The following TPTE2 variants were observed in gnomAD, a reference collection of about 807,000 sequenced individuals.
TPTE2 encodes phosphatidylinositol 3,4,5-trisphosphate 3-phosphatase TPTE2.
In TPTE2, 53 loss-of-function variants were observed where a neutral mutation model predicts 78.6. The observed-to-expected ratio is 0.67, with a 90% confidence interval of 0.54 to 0.85. The LOEUF (loss-of-function observed/expected upper bound fraction) is 0.85, where lower values mean the gene tolerates loss of function less well. Ranked by LOEUF, TPTE2 falls within the 40% of genes least tolerant of loss-of-function variation. The pLI is 0.00. For synonymous variants in TPTE2, 175 were observed against 206.2 expected (o/e 0.85, Z 1.30); for missense variants, 461 against 623.0 (o/e 0.74, Z 2.77).
At chr13:19,497,215 G>A (rs1881390209) in intron 1 of TPTE2, among the ~76,000 whole-genome samples, 1 of 149,220 alleles carries the variant, frequency 6.7e-6, no homozygotes, top group African/African-American at 2.4e-5. Context: ...CGGCAGCGAG[G>A]CTGGGGGAGG....
chr13:19,498,044 G>A (rs1425786344), intron 1 of TPTE2, among the ~76,000 whole-genome samples: 1 of 150,956 alleles, frequency 6.6e-6, no homozygotes, highest in Non-Finnish European at 1.5e-5. Context: ...GGAAGAAAGG[G>A]TATCAGCAAT....
At chr13:19,493,464 C>T (rs1881129498) in exon 2 of TPTE2, 1 of 1,613,632 alleles carries the variant, frequency 6.2e-7, no homozygotes, top group Admixed American at 1.7e-5. Flanking sequence ...TTCGCAGGTG[C>T]CTCCTCGGTT....
chr13:19,474,193 A>T (rs1879806137), intron 5 of TPTE2, 118 bp from the exon 9 acceptor site: 8 of 1,029,102 alleles, frequency 7.8e-6, no homozygotes, highest in Non-Finnish European at 1.0e-5. Context: ...CCAAAATGTT[A>T]TTATTTAGTA....
chr13:19,485,510 A>G (rs530838349), intron 3 of TPTE2, among the ~76,000 whole-genome samples: 1 of 152,228 alleles, frequency 6.6e-6, no homozygotes, highest in East Asian at 1.9e-4. Context: ...CAATTTGACT[A>G]TAATGTCTGG....
At chr13:19,546,763 T>TTAA in the TPTE2 span, among the ~76,000 whole-genome samples, 1 of 152,020 alleles carries the variant, frequency 6.6e-6, no homozygotes, top group African/African-American at 2.4e-5. Flanking sequence ...GTGCTGGGAC[T>TTAA]ACAGGCATGA....
the TPTE2 span, among the ~76,000 whole-genome samples, chr13:19,555,803 CTTTTTTTTTTTTTT>C: frequency 6.2e-5 from 5 of 81,056 alleles, no homozygotes; most frequent in East Asian, 7.6e-4. Flanking sequence ...CAACAAATTT[CTTTTTTTTTTTTTT>C]TTTTTTTTTT....
Position 19,436,083 on chromosome 13 carries a change from G to A in TPTE2, c.1116+143C>T, listed in dbSNP as rs1877061467. On this transcript the variant is annotated intron_variant, in intron 15 of 19. Transcript: ENST00000400230. Reference sequence around the variant, plus strand: ...CCTGAAGTGTGACCCTCAGACTCAGGGAGGGACCAAGGCCTGTTGCAGGGC... The same window carrying A: ...CCTGAAGTGTGACCCTCAGACTCAGAGAGGGACCAAGGCCTGTTGCAGGGC... 17 of 638,450 alleles carry A rather than the reference G, an allele frequency of 2.7e-5. No individual in the cohort carries two copies. The South Asian group carries it at 3.3e-4, about 12-fold the overall frequency. 39.5% of individuals were successfully genotyped at this position (638,450 alleles called of 1,614,324 possible). A position where few individuals can be genotyped will look rare whatever the true frequency, so the allele number is the denominator to read the frequency against.
At chr13:19,470,492 G>T (rs952608115) in intron 6 of TPTE2, among the ~76,000 whole-genome samples, 45 of 151,764 alleles carry the variant, frequency 3.0e-4, no homozygotes, top group African/African-American at 1.0e-3. Flanking sequence ...TTTTGGTTTT[G>T]GTTTTGGTTT....
chr13:19,453,817 T>C (rs1313030453), intron 10 of TPTE2, among the ~76,000 whole-genome samples: 1 of 152,146 alleles, frequency 6.6e-6, no homozygotes, highest in African/African-American at 2.4e-5. Flanking sequence ...ATTGTAGGAA[T>C]GTAGGTAATT....
At chr13:19,471,722 T>C (rs1273306149) in intron 6 of TPTE2, among the ~76,000 whole-genome samples, 1 of 152,234 alleles carries the variant, frequency 6.6e-6, no homozygotes, top group Non-Finnish European at 1.5e-5. Flanking sequence ...ATAGTTACAA[T>C]GTTATAACAT....
chr13:19,443,160 A>T (rs1593356993), intron 13 of TPTE2, among the ~76,000 whole-genome samples: 1 of 151,972 alleles, frequency 6.6e-6, no homozygotes, highest in African/African-American at 2.4e-5. Flanking sequence ...ATAATAATAA[A>T]ATAATTTAAT....
intron 1 of TPTE2, among the ~76,000 whole-genome samples, chr13:19,523,332 G>C (rs1270972028): frequency 6.6e-6 from 1 of 152,116 alleles, no homozygotes; most frequent in Non-Finnish European, 1.5e-5. Context: ...ATGCTCCCAA[G>C]ATTGCAGCAA....
chr13:19,525,197 T>A (rs1432027998), intron 1 of TPTE2, among the ~76,000 whole-genome samples: 1 of 152,026 alleles, frequency 6.6e-6, no homozygotes, highest in East Asian at 1.9e-4. Flanking sequence ...GCAGAAAAAA[T>A]TAGTACAACT....
chr13:19,436,601 A>T (rs1877108436), intron 14 of TPTE2, among the ~76,000 whole-genome samples: 1 of 151,928 alleles, frequency 6.6e-6, no homozygotes, highest in African/African-American at 2.4e-5. Context: ...TTTAGTAGAG[A>T]TAGGGGTTTC....
intron 1 of TPTE2, among the ~76,000 whole-genome samples, chr13:19,525,104 A>G (rs2137729104): frequency 6.6e-6 from 1 of 152,294 alleles, no homozygotes; most frequent in East Asian, 1.9e-4. Context: ...GGAGGCTACT[A>G]CACAGCTTAG....
At chr13:19,472,212 T>G (rs1395847329) in intron 6 of TPTE2, among the ~76,000 whole-genome samples, 1 of 152,196 alleles carries the variant, frequency 6.6e-6, no homozygotes, top group East Asian at 1.9e-4. Context: ...TTGATATCTT[T>G]CTGTAGGTTT....
chr13:19,474,688 T>C (rs971594392), intron 5 of TPTE2, among the ~76,000 whole-genome samples: 2 of 152,218 alleles, frequency 1.3e-5, no homozygotes, highest in African/African-American at 2.4e-5. Context: ...TCCAAATACA[T>C]TCTCCATAAA....
At chr13:19,509,957 A>G (rs2932161) in intron 1 of TPTE2, among the ~76,000 whole-genome samples, 28,562 of 152,196 alleles carry the variant, frequency 0.19, 3,681 homozygotes, top group African/African-American at 0.36. Context: ...GGTAAACTCT[A>G]AGTAGATTAA....
At chr13:19,529,911 T>C (rs1202183593) in intron 1 of TPTE2, among the ~76,000 whole-genome samples, 1 of 152,162 alleles carries the variant, frequency 6.6e-6, no homozygotes, top group Non-Finnish European at 1.5e-5. Flanking sequence ...GCCCCCTCAA[T>C]CAGCTCCAAA....
Sources: allele counts gnomAD v4.1 joint callset (sites outside exome capture counted in the v4.1 genomes callset), GRCh38; gene constraint gnomAD v4.1.1; transcripts MANE v1.5; gene names NCBI Gene and HGNC (gene_info 2026-07-23, HGNC 2026-07-21).